The following JAKMIP1 variants were observed in gnomAD, a reference collection of about 807,000 sequenced individuals.
JAKMIP1 encodes janus kinase and microtubule-interacting protein 1.
A neutral mutation model predicts 113.0 loss-of-function variants in JAKMIP1; 33 were observed. The ratio of observed to expected loss-of-function variants is 0.29; its 90% confidence interval spans 0.22 to 0.39. The LOEUF (loss-of-function observed/expected upper bound fraction) is 0.39. JAKMIP1 is among the 10% of genes least tolerant of loss of function. The probability of loss-of-function intolerance (pLI) is 1.00; values close to 1 mark genes in which losing one functional copy is unlikely to be tolerated. For missense variants in JAKMIP1, 813 were observed against 1,080.5 expected (o/e 0.75, Z 3.47); for synonymous variants, 480 against 459.9 (o/e 1.04, Z -0.56).
intron 3 of JAKMIP1, among the ~76,000 whole-genome samples, chr4:6,104,812 G>C (rs79294668): frequency 6.6e-6 from 1 of 152,184 alleles, no homozygotes; most frequent in Non-Finnish European, 1.5e-5. Context: ...GGACTCAGGA[G>C]GATCTCCTGT....
In JAKMIP1 at chr4:6,198,000, G is replaced by A. The variant is rs1728029097; in HGVS notation, c.-148+2253C>T. Among the ~76,000 whole-genome samples the A allele has an allele frequency of 6.6e-6, 1 of 152,172 alleles. No individual in the cohort carries two copies. The highest frequency in any genetic ancestry group is 2.4e-5 in the African/African-American group (1 of 41,440). Reference sequence around the variant, plus strand: ...CCTGTCCCCATCTCTCCCTGCACATGACTCTCTGACAGCACGGGCAGTGTC... The same window carrying A: ...CCTGTCCCCATCTCTCCCTGCACATAACTCTCTGACAGCACGGGCAGTGTC... On this transcript the variant is annotated intron_variant, in intron 1 of 20. Transcript: ENST00000409021. This position sits in a 1 kb window ranked among gnomAD's most constrained non-coding sequence, Gnocchi z 6.5.
At chr4:6,177,511 G>C (rs1725496208) in intron 1 of JAKMIP1, among the ~76,000 whole-genome samples, 1 of 152,200 alleles carries the variant, frequency 6.6e-6, no homozygotes, top group Non-Finnish European at 1.5e-5. Flanking sequence ...AAGGGTGTAA[G>C]AGAAAGAGCC....
Position 6,136,248 on chromosome 4 carries a change from T to A in JAKMIP1, c.-147-23251A>T, listed in dbSNP as rs1159775768. Among the ~76,000 whole-genome samples, 2 of 151,900 alleles carry A rather than the reference T, an allele frequency of 1.3e-5. No homozygotes were observed. The highest frequency in any genetic ancestry group is 3.9e-4 in the East Asian group (2 of 5,180). On this transcript the variant is annotated intron_variant, in intron 1 of 20. Transcript: ENST00000409021. This position sits in a 1 kb window ranked among gnomAD's most constrained non-coding sequence, Gnocchi z 5.9. Reference sequence around the variant, plus strand: ...CCAACAGAGTGAGACTCAAAGTAAATAAATAAATACATAAATAACATGTAC... The same window carrying A: ...CCAACAGAGTGAGACTCAAAGTAAAAAAATAAATACATAAATAACATGTAC...
In JAKMIP1 at chr4:6,080,246, T is replaced by C; in HGVS notation, c.1168A>G (p.Arg390Gly). The C allele has an allele frequency of 6.2e-7, 1 of 1,614,184 alleles. No homozygotes were observed. Among genetic ancestry groups the C allele is most frequent in the East Asian group, 2.2e-5 (1 of 44,882 alleles). ...HTSLNDLSLT[R>G]DEQEIEFLRL... ...AGGAACTCGATCTCCTGCTCATCCC[T>C]CGTCAGGCTGAGGTCATTCAAGGAG... is the stretch of plus-strand genomic sequence containing the variant. Residue 390 changes from arginine (R) to glycine (G), a missense_variant, in exon 7 of 21, where the codon AGG becomes GGG. This residue lies in a region of JAKMIP1 where 540 missense variants were observed against 653.9 expected (regional missense o/e 0.83). Coordinates refer to ENST00000409021, the MANE Select transcript of JAKMIP1 (RefSeq NM_001099433.2). The surrounding 1 kb of genome is among the most constrained non-coding windows in gnomAD (Gnocchi z 6.0).
chr4:6,149,663 C>T (rs1721318439), intron 1 of JAKMIP1, among the ~76,000 whole-genome samples: 1 of 147,454 alleles, frequency 6.8e-6, no homozygotes, highest in Admixed American at 6.7e-5. Context: ...CTCATAAAGT[C>T]CAAAGTATAT....
At position 6,030,659 on chromosome 4, in the gene JAKMIP1, A is replaced by G. The variant is rs571410998; in HGVS notation, c.2380-878T>C. Among the ~76,000 whole-genome samples the G allele has an allele frequency of 6.6e-5, 10 of 152,340 alleles. No homozygotes were observed. In the South Asian group the frequency reaches 1.7e-3, roughly 25 times the overall value. On this transcript the variant is annotated intron_variant, in intron 19 of 20. Coordinates refer to ENST00000409021, the MANE Select transcript of JAKMIP1 (RefSeq NM_001099433.2). ...GGCCCTTGTCTGCCCTGAACGGGAT[A>G]GAGACCTCATACAATGAGACAATGC...
chr4:6,051,870 T>A lies in JAKMIP1; in HGVS notation c.1807-1191A>T, dbSNP rs1413909292. 6.6e-6 allele frequency among the ~76,000 whole-genome samples: 1 copy of A among 152,158 alleles called. No homozygotes were observed. Among genetic ancestry groups the A allele is most frequent in the African/African-American group, 2.4e-5 (1 of 41,434 alleles). ...TTAGCGATGGACAGATTTGTCATGG[T>A]GGGGCAGCAGAGAAGACCTTTTCAA... On this transcript the variant is annotated intron_variant, in intron 13 of 20. Coordinates refer to ENST00000409021, the MANE Select transcript of JAKMIP1 (RefSeq NM_001099433.2). The surrounding 1 kb of genome is among the most constrained non-coding windows in gnomAD (Gnocchi z 5.0).
rs1718616332 is a variant in JAKMIP1 at position 6,069,321 on chromosome 4, A to C, written c.1303-4313T>G. Among the ~76,000 whole-genome samples the C allele has an allele frequency of 1.3e-5, 2 of 152,246 alleles. No individual in the cohort carries two copies. The highest frequency in any genetic ancestry group is 4.8e-5 in the African/African-American group (2 of 41,472). Reference sequence around the variant, plus strand: ...TCCTCACAAGAGATACATTAGGAGCAAAAATGTCCACCATTTGCTCATTCT... The same window carrying C: ...TCCTCACAAGAGATACATTAGGAGCCAAAATGTCCACCATTTGCTCATTCT... On this transcript the variant is annotated intron_variant, in intron 8 of 20. Coordinates refer to ENST00000409021, the MANE Select transcript of JAKMIP1 (RefSeq NM_001099433.2). The surrounding 1 kb of genome is among the most constrained non-coding windows in gnomAD (Gnocchi z 4.5).
chr4:6,060,331 G>T, intron 11 of JAKMIP1, 93 bp downstream of exon 11: 1 of 934,406 alleles, frequency 1.1e-6, no homozygotes, highest in Non-Finnish European at 1.8e-6. Context: ...CAGCCCCACA[G>T]AATGTCCCCC....
intron 1 of JAKMIP1, among the ~76,000 whole-genome samples, chr4:6,128,459 G>A (rs1309711101): frequency 6.6e-6 from 1 of 152,182 alleles, no homozygotes; most frequent in African/African-American, 2.4e-5. Flanking sequence ...AGCGGGGAGG[G>A]AGGGAAGGGG....
chr4:6,087,394 C>T (rs1721455389), intron 3 of JAKMIP1, among the ~76,000 whole-genome samples: 1 of 152,162 alleles, frequency 6.6e-6, no homozygotes, highest in African/African-American at 2.4e-5. Context: ...TTTAGAGCAA[C>T]CATGAGAAGA....
rs1287664037 is a variant in JAKMIP1 at position 6,179,719 on chromosome 4, C to T, written c.-148+20534G>A. 2.0e-5 allele frequency among the ~76,000 whole-genome samples: 3 copies of T among 152,234 alleles called. No homozygotes were observed. Among genetic ancestry groups the T allele is most frequent in the Non-Finnish European group, 4.4e-5 (3 of 68,038 alleles). ...GCAACAGCTAAACCAAGAGCTGCCACTCAAAAGAAGAGACTATTCTATGCC... is the reference window on the plus strand; with the variant it reads ...GCAACAGCTAAACCAAGAGCTGCCATTCAAAAGAAGAGACTATTCTATGCC... On this transcript the variant is annotated intron_variant, in intron 1 of 20. Coordinates refer to ENST00000409021, the MANE Select transcript of JAKMIP1 (RefSeq NM_001099433.2). This position sits in a 1 kb window ranked among gnomAD's most constrained non-coding sequence, Gnocchi z 4.5.
In JAKMIP1 at chr4:6,039,043, G is replaced by A. The variant is rs570220810; in HGVS notation, c.2175+1596C>T. On this transcript the variant is annotated intron_variant, in intron 18 of 20. Transcript: ENST00000409021. ...TCATGAGAATCCAGGGGCTGCGTCA[G>A]AACTCCTGTCTACCCATGCAACTGA... 1.4e-4 allele frequency among the ~76,000 whole-genome samples: 22 copies of A among 152,344 alleles called. No individual in the cohort carries two copies. The South Asian group carries it at 4.6e-3, about 32-fold the overall frequency.
rs970087260 is a variant in JAKMIP1 at position 6,108,765 on chromosome 4, T to C, written c.130-2798A>G. Among the ~76,000 whole-genome samples, 1 of 152,182 alleles carries C rather than the reference T, an allele frequency of 6.6e-6. No homozygotes were observed. The highest frequency in any genetic ancestry group is 2.4e-5 in the African/African-American group (1 of 41,452). ...GTGGATGGCAGAGGGGGAAGCCAGGTTTCCCACTTGGAGTAAGAGGTTACA... is the reference window on the plus strand; with the variant it reads ...GTGGATGGCAGAGGGGGAAGCCAGGCTTCCCACTTGGAGTAAGAGGTTACA... On this transcript the variant is annotated intron_variant, in intron 2 of 20. Transcript: ENST00000409021. The surrounding 1 kb of genome is among the most constrained non-coding windows in gnomAD (Gnocchi z 5.6).
chr4:6,078,606 CT>C (rs1340035544), intron 8 of JAKMIP1, among the ~76,000 whole-genome samples: 2 of 152,096 alleles, frequency 1.3e-5, no homozygotes, highest in Non-Finnish European at 2.9e-5. Context: ...ACAGGATATG[CT>C]CTCATATAAA....
rs1361536098 is a variant in JAKMIP1, at chr4:6,070,600, C to A, written c.1303-5592G>T. Among the ~76,000 whole-genome samples the A allele has an allele frequency of 2.0e-5, 3 of 152,358 alleles. No homozygotes were observed. The East Asian group carries it at 5.8e-4, about 29-fold the overall frequency. ...AACACCATGGCACAGGCCCTGGGTC[C>A]CCAGACAATCGCAAGGCCCCCGGGG... On this transcript the variant is annotated intron_variant, in intron 8 of 20. Transcript: ENST00000409021.
chr4:6,199,573 G>C lies in JAKMIP1; in HGVS notation c.-148+680C>G, dbSNP rs1281339450. On this transcript the variant is annotated intron_variant, in intron 1 of 20. Transcript: ENST00000409021. This position sits in a 1 kb window ranked among gnomAD's most constrained non-coding sequence, Gnocchi z 5.6. ...CAGTGCGCCCAGGGCGCGCCGGCCC[G>C]GCAGGAGGGTGGGTGCCAGCCTTTC... Among the ~76,000 whole-genome samples the C allele has an allele frequency of 1.3e-5, 2 of 152,064 alleles. No homozygotes were observed. Among genetic ancestry groups the C allele is most frequent in the Non-Finnish European group, 2.9e-5 (2 of 67,958 alleles).
At chr4:6,195,047 A>G (rs1475781680) in intron 1 of JAKMIP1, among the ~76,000 whole-genome samples, 1 of 152,076 alleles carries the variant, frequency 6.6e-6, no homozygotes, top group East Asian at 1.9e-4. Flanking sequence ...CATCCTCACA[A>G]CCGAGGGATG....
chr4:6,132,167 A>C (rs1718597828), intron 1 of JAKMIP1, among the ~76,000 whole-genome samples: 1 of 152,238 alleles, frequency 6.6e-6, no homozygotes. Flanking sequence ...GGGAGAGACG[A>C]AACGGGACTC....
Sources: allele counts gnomAD v4.1 joint callset (sites outside exome capture counted in the v4.1 genomes callset), GRCh38; gene constraint gnomAD v4.1.1; regional missense constraint gnomAD v4.1.1; non-coding constraint Gnocchi (gnomAD v3.1); transcripts MANE v1.5; gene names NCBI Gene and HGNC (gene_info 2026-07-23, HGNC 2026-07-21).